IL10RB: variants seen among roughly 807,000 people sequenced by gnomAD.
IL10RB encodes interleukin 10 receptor subunit beta.
In IL10RB, 30 loss-of-function variants were observed where a neutral mutation model predicts 38.7. That is an observed-to-expected ratio of 0.78 (90% CI 0.58 to 1.05). The LOEUF (loss-of-function observed/expected upper bound fraction) is 1.05, where lower values mean the gene tolerates loss of function less well. Ranked by LOEUF, IL10RB falls within the 50% of genes least tolerant of loss-of-function variation. The probability of loss-of-function intolerance (pLI) is 0.00; values close to 1 mark genes in which losing one functional copy is unlikely to be tolerated. For synonymous variants in IL10RB, 142 were observed against 145.9 expected, an observed-to-expected ratio of 0.97 and a Z score of 0.19; for missense variants, 328 against 397.1, an observed-to-expected ratio of 0.83 and a Z score of 1.48.
downstream of IL10RB, among the ~76,000 whole-genome samples, chr21:33,299,754 T>C (rs530750124): frequency 6.6e-6 from 1 of 152,378 alleles, no homozygotes; most frequent in South Asian, 2.1e-4. Flanking sequence ...CAGCATTTTT[T>C]AAAGCTCCTA....
Position 33,266,398 on chromosome 21 carries a change from C to A in IL10RB, c.-68C>A. 1 of 1,510,594 alleles carries A rather than the reference C, an allele frequency of 6.6e-7. No homozygotes were observed. 93.6% of individuals were successfully genotyped at this position (1,510,594 alleles called of 1,614,324 possible). Reference sequence around the variant, plus strand: ...GCTGGTTCCCGGAAGCCGCCGCGGACAAGCTCTCCCGGGCGCGGGCGGGGG... The same window carrying A: ...GCTGGTTCCCGGAAGCCGCCGCGGAAAAGCTCTCCCGGGCGCGGGCGGGGG... On this transcript the variant is annotated 5_prime_UTR_variant, in exon 1 of 7. Coordinates refer to ENST00000290200, the MANE Select transcript of IL10RB (RefSeq NM_000628.5).
At chr21:33,290,084 A>C (rs984473560) in intron 6 of IL10RB, among the ~76,000 whole-genome samples, 2 of 151,948 alleles carry the variant, frequency 1.3e-5, no homozygotes, top group Non-Finnish European at 2.9e-5. Context: ...ACTGCACTCT[A>C]ACCTGGGCAA....
At chr21:33,295,934 C>T (rs886460079) in intron 6 of IL10RB, among the ~76,000 whole-genome samples, 3 of 151,886 alleles carry the variant, frequency 2.0e-5, no homozygotes, top group African/African-American at 7.3e-5. Context: ...ATCTCAGCTA[C>T]TTGGGAGGCT....
chr21:33,279,646 G>A (rs886243489), intron 3 of IL10RB, 106 bp from the exon 4 acceptor site: 3 of 919,860 alleles, frequency 3.3e-6, no homozygotes, highest in Admixed American at 1.7e-5. Flanking sequence ...GTATATCAAA[G>A]CAGTGTACTT....
chr21:33,306,136 T>G (rs2082998420), intron 1 of IL10RB, among the ~76,000 whole-genome samples: 1 of 152,114 alleles, frequency 6.6e-6, no homozygotes, highest in Non-Finnish European at 1.5e-5. Flanking sequence ...CCATTTTTGA[T>G]GCATTTTATA....
chr21:33,282,891 C>A (rs1226050269), intron 4 of IL10RB, among the ~76,000 whole-genome samples: 1 of 152,152 alleles, frequency 6.6e-6, no homozygotes, highest in Admixed American at 6.6e-5. Context: ...AATTCAGGAA[C>A]CAAAATGGTT....
intron 6 of IL10RB, among the ~76,000 whole-genome samples, chr21:33,291,639 A>T (rs2843944): frequency 1.3e-5 from 2 of 151,942 alleles, no homozygotes; most frequent in Non-Finnish European, 2.9e-5. Context: ...ACACCTGTGA[A>T]ACCTTGGGAA....
At chr21:33,306,710 C>A (rs2082999868) in intron 1 of IL10RB, among the ~76,000 whole-genome samples, 1 of 151,940 alleles carries the variant, frequency 6.6e-6, no homozygotes, top group Non-Finnish European at 1.5e-5. Flanking sequence ...ATTTTTTTTA[C>A]TTGCTTTGTA....
At chr21:33,272,809 C>T (rs879555139) in intron 2 of IL10RB, among the ~76,000 whole-genome samples, 21 of 152,184 alleles carry the variant, frequency 1.4e-4, no homozygotes, top group Non-Finnish European at 3.1e-4. Context: ...CCAATTACAC[C>T]TCCTTGGCTG....
rs544692530 is a variant in IL10RB at position 33,271,522 on chromosome 21, A to G, written c.173+3005A>G. Among the ~76,000 whole-genome samples, 10 of 152,286 alleles carry G rather than the reference A, an allele frequency of 6.6e-5. No homozygotes were observed. In the South Asian group the frequency reaches 2.1e-3, roughly 32 times the overall value. Reference sequence around the variant, plus strand: ...GGTGGGTGGATCACCTGAGATCAGGAGTTCGAGACCAGCCTTACCAACATG... The same window carrying G: ...GGTGGGTGGATCACCTGAGATCAGGGGTTCGAGACCAGCCTTACCAACATG... On this transcript the variant is annotated intron_variant, in intron 2 of 6. Transcript: ENST00000290200.
intron 6 of IL10RB, among the ~76,000 whole-genome samples, chr21:33,290,410 G>C (rs1989462807): frequency 6.6e-6 from 1 of 152,128 alleles, no homozygotes; most frequent in Non-Finnish European, 1.5e-5. Context: ...AAATCCGAAA[G>C]CCATGTGAAA....
At chr21:33,306,274 A>C (rs2082998752) in intron 1 of IL10RB, among the ~76,000 whole-genome samples, 1 of 152,216 alleles carries the variant, frequency 6.6e-6, no homozygotes, top group African/African-American at 2.4e-5. Context: ...GACTGTGACA[A>C]AGCAAATTTA....
chr21:33,277,496 A>C (rs1242325671), intron 3 of IL10RB, among the ~76,000 whole-genome samples: 2 of 152,044 alleles, frequency 1.3e-5, no homozygotes, highest in Admixed American at 6.6e-5. Flanking sequence ...AGGTTAAAAG[A>C]ACCTAATTCA....
chr21:33,287,723 G>T (rs1414741671), intron 5 of IL10RB, among the ~76,000 whole-genome samples: 1 of 152,126 alleles, frequency 6.6e-6, no homozygotes, highest in Non-Finnish European at 1.5e-5. Flanking sequence ...TCTCAATATA[G>T]AACGAGATGG....
At chr21:33,306,408 G>A (rs935659934) in intron 1 of IL10RB, among the ~76,000 whole-genome samples, 2 of 152,136 alleles carry the variant, frequency 1.3e-5, no homozygotes, top group Non-Finnish European at 1.5e-5. Flanking sequence ...ATATCCATTT[G>A]GCTTATAATT....
chr21:33,283,910 T>C (rs1989325493), intron 5 of IL10RB, among the ~76,000 whole-genome samples: 1 of 152,222 alleles, frequency 6.6e-6, no homozygotes, highest in African/African-American at 2.4e-5. Context: ...ACAGCAGGCC[T>C]TCCTATAATT....
At chr21:33,290,354 A>T (rs1601836762) in intron 6 of IL10RB, among the ~76,000 whole-genome samples, 1 of 152,186 alleles carries the variant, frequency 6.6e-6, no homozygotes, top group African/African-American at 2.4e-5. Flanking sequence ...AATAAAAATC[A>T]AAATTATGTA....
At chr21:33,292,800 C>T (rs1429496839) in intron 6 of IL10RB, among the ~76,000 whole-genome samples, 2 of 152,240 alleles carry the variant, frequency 1.3e-5, no homozygotes, top group South Asian at 2.1e-4. Flanking sequence ...CGAAGTCACA[C>T]ATTCCCCAGG....
intron 1 of IL10RB, 93 bp downstream of exon 1, chr21:33,266,607 CTTAAGAGCCTTCGGG>C: frequency 1.5e-6 from 2 of 1,301,756 alleles, no homozygotes; most frequent in Non-Finnish European, 2.1e-6. Flanking sequence ...CTGCAAGTGA[CTTAAGAGCCTTCGGG>C]GCCTCGGGAG....
Sources: allele counts gnomAD v4.1 joint callset (sites outside exome capture counted in the v4.1 genomes callset), GRCh38; gene constraint gnomAD v4.1.1; transcripts MANE v1.5; gene names NCBI Gene and HGNC (gene_info 2026-07-23, HGNC 2026-07-21).